LEMD3: variants seen among roughly 807,000 people sequenced by gnomAD.
LEMD3 encodes the protein inner nuclear membrane protein Man1.
Under a neutral mutation model 95.2 loss-of-function variants are expected in LEMD3, and 33 were observed. That is an observed-to-expected ratio of 0.35 (90% CI 0.26 to 0.46). The LOEUF (loss-of-function observed/expected upper bound fraction) is 0.46. LEMD3 is among the 20% of genes least tolerant of loss of function. LEMD3 has a pLI of 1.00. For missense variants in LEMD3, 1,210 were observed against 1,192.8 expected (o/e 1.01, Z -0.21); for synonymous variants, 525 against 474.6 (o/e 1.11, Z -1.38).
At position 65,170,867 on chromosome 12, in the gene LEMD3, T is replaced by A. The variant is rs777476143; in HGVS notation, c.1271T>A (p.Ile424Asn). Residue 424 changes from isoleucine to asparagine, a missense_variant, in exon 1 of 13, where the codon ATC (isoleucine) becomes AAC (asparagine). Physicochemically the swap from Ile to Asn is moderately radical, Grantham distance 149. Transcript: ENST00000308330. The part of the protein sequence containing the change: ...AAVAASSSLR[I>N]NHANHTGSNH... ...GTGGCCGCCTCTAGTTCACTCAGGA[T>A]CAATCACGCCAATCATACGGGCTCC... The A allele has an allele frequency of 6.2e-7, 1 of 1,614,184 alleles. No homozygotes were observed. Among genetic ancestry groups the A allele is most frequent in the Non-Finnish European group, 8.5e-7 (1 of 1,180,036 alleles).
At chr12:65,230,550 ATTTC>A (rs1343966794) in intron 4 of LEMD3, among the ~76,000 whole-genome samples, 3 of 151,436 alleles carry the variant, frequency 2.0e-5, no homozygotes, top group Non-Finnish European at 2.9e-5. Context: ...TGCTTTCTTA[ATTTC>A]TTTCTCTGCT....
chr12:65,177,119 CAAA>C (rs1449592382), intron 1 of LEMD3, among the ~76,000 whole-genome samples: 1 of 152,114 alleles, frequency 6.6e-6, no homozygotes. Context: ...CTTACATGAT[CAAA>C]AGTTCTAAAT....
rs1868467470 is a variant in LEMD3, at chr12:65,170,002, C to T, written c.406C>T (p.Leu136=). Residue 136 remains leucine, a synonymous_variant, in exon 1 of 13, where the codon CTG becomes TTG. Coordinates refer to ENST00000308330, the MANE Select transcript of LEMD3 (RefSeq NM_014319.5). ...CGCCCCCGCGGCTGGCAGCAAAGTG[C>T]TGCTGGGCTTCAGCTCGGACGAGTC... ...SAAPAAGSKV[L]LGFSSDESDV... The T allele has an allele frequency of 4.0e-6, 6 of 1,496,984 alleles. No individual in the cohort carries two copies. Among genetic ancestry groups the T allele is most frequent in the Non-Finnish European group, 5.3e-6 (6 of 1,133,550 alleles). 92.7% of individuals were successfully genotyped at this position (1,496,984 alleles called of 1,614,324 possible).
Position 65,189,379 on chromosome 12 carries a change from G to A in LEMD3, c.1522+18261G>A, listed in dbSNP as rs111247271. ...AACCATAAACTCACTCTCTGTGTCCGGAGGGCAGTTGGTCAAGGTTTCTAG... is the reference window on the plus strand; with the variant it reads ...AACCATAAACTCACTCTCTGTGTCCAGAGGGCAGTTGGTCAAGGTTTCTAG... On this transcript the variant is annotated intron_variant, in intron 1 of 12. Coordinates refer to ENST00000308330, the MANE Select transcript of LEMD3 (RefSeq NM_014319.5). 2.5e-3 allele frequency among the ~76,000 whole-genome samples: 378 copies of A among 152,292 alleles called. 2 individuals are homozygous for A. Among genetic ancestry groups the A allele is most frequent in the African/African-American group, 8.6e-3 (358 of 41,578 alleles).
At position 65,169,758 on chromosome 12, in the gene LEMD3, C is replaced by G. The variant is rs150212307; in HGVS notation, c.162C>G (p.His54Gln). Residue 54 changes from histidine (H) to glutamine (Q), a missense_variant, in exon 1 of 13, where the codon CAC becomes CAG. Coordinates refer to ENST00000308330, the MANE Select transcript of LEMD3 (RefSeq NM_014319.5). ...TTCGAGAGGAAGAGCAGCAACAGCA[C>G]CGGTCAGGGGGCCGCGGCAACAAGA... Reference protein sequence around the residue: ...KKLREEEQQQHRSGGRGNKTR... With the variant: ...KKLREEEQQQQRSGGRGNKTR... 1.3e-6 allele frequency: 2 copies of G among 1,591,606 alleles called. No individual in the cohort carries two copies. Among genetic ancestry groups the G allele is most frequent in the Non-Finnish European group, 1.7e-6 (2 of 1,168,934 alleles).
At position 65,170,511 on chromosome 12, in the gene LEMD3, G is replaced by A; in HGVS notation, c.915G>A (p.Arg305=). The A allele has an allele frequency of 6.2e-7, 1 of 1,614,120 alleles. No individual in the cohort carries two copies. Among genetic ancestry groups the A allele is most frequent in the South Asian group, 1.1e-5 (1 of 91,084 alleles). The part of the protein sequence containing the change: ...PPLTAKSAGG[R]LETSVQGGGG... ...TGACTGCTAAATCGGCCGGCGGCAG[G>A]CTGGAGACTTCAGTTCAGGGAGGGG... The change falls in exon 1 of 13, where the codon AGG becomes AGA. Residue 305 remains arginine (R), a synonymous_variant. Transcript: ENST00000308330.
intron 1 of LEMD3, among the ~76,000 whole-genome samples, chr12:65,186,587 TA>T (rs1391898457): frequency 6.7e-6 from 1 of 150,054 alleles, no homozygotes; most frequent in East Asian, 2.0e-4. Context: ...CAAATGCATT[TA>T]AAAAAATAGG....
intron 4 of LEMD3, among the ~76,000 whole-genome samples, chr12:65,222,725 A>C (rs1211904337): frequency 6.6e-6 from 1 of 151,722 alleles, no homozygotes; most frequent in Admixed American, 6.6e-5. Flanking sequence ...GTTCTTTGAG[A>C]TGTAAAGTTA....
intron 1 of LEMD3, among the ~76,000 whole-genome samples, chr12:65,210,435 G>T (rs1434084402): frequency 6.6e-6 from 1 of 152,204 alleles, no homozygotes. Flanking sequence ...AGAAACAAAT[G>T]ATATAGTCAT....
chr12:65,211,994 T>C (rs773103873), intron 2 of LEMD3, among the ~76,000 whole-genome samples: 12 of 152,194 alleles, frequency 7.9e-5, no homozygotes, highest in Non-Finnish European at 1.5e-4. Flanking sequence ...CTCATGCTGC[T>C]AATAAAGACA....
At chr12:65,195,333 C>T (rs1260084431) in intron 1 of LEMD3, among the ~76,000 whole-genome samples, 2 of 151,900 alleles carry the variant, frequency 1.3e-5, no homozygotes, top group African/African-American at 4.8e-5. Flanking sequence ...ATATAAACAT[C>T]ATATAGCTCT....
At chr12:65,223,505 C>T (rs903624249) in intron 4 of LEMD3, among the ~76,000 whole-genome samples, 9 of 151,928 alleles carry the variant, frequency 5.9e-5, no homozygotes, top group Non-Finnish European at 8.8e-5. Flanking sequence ...GATCTCACTA[C>T]GTTGCCTTTA....
chr12:65,230,028 C>T (rs1870573962), intron 4 of LEMD3, among the ~76,000 whole-genome samples: 2 of 152,096 alleles, frequency 1.3e-5, no homozygotes, highest in African/African-American at 4.8e-5. Flanking sequence ...TTCATTCTGC[C>T]TGTTTTCACA....
At chr12:65,221,756 C>CTTTTTTTTT (rs1870298488) in intron 4 of LEMD3, among the ~76,000 whole-genome samples, 1 of 110,084 alleles carries the variant, frequency 9.1e-6, no homozygotes. Context: ...TTTTTTTTTC[C>CTTTTTTTTT]TTGAGACAGA....
chr12:65,225,067 C>T (rs1252479943), intron 4 of LEMD3, among the ~76,000 whole-genome samples: 1 of 152,082 alleles, frequency 6.6e-6, no homozygotes, highest in East Asian at 1.9e-4. Context: ...TTCTTTAGCT[C>T]CAAAATTTCT....
chr12:65,229,087 A>T (rs1452964007), intron 4 of LEMD3, among the ~76,000 whole-genome samples: 1 of 152,118 alleles, frequency 6.6e-6, no homozygotes, highest in East Asian at 1.9e-4. Context: ...CCAAGTTCTT[A>T]GTAGTCCTTA....
intron 1 of LEMD3, among the ~76,000 whole-genome samples, chr12:65,176,551 A>G (rs983363486): frequency 6.6e-6 from 1 of 152,216 alleles, no homozygotes; most frequent in Non-Finnish European, 1.5e-5. Context: ...ACAAAGTATT[A>G]TATTTGTGTG....
chr12:65,239,240 ATTCTTTCTTTC>A (rs1394668078), intron 6 of LEMD3, among the ~76,000 whole-genome samples: 5 of 151,760 alleles, frequency 3.3e-5, no homozygotes, highest in Non-Finnish European at 5.9e-5. Context: ...TTGTTTTTTC[ATTCTTTCTTTC>A]TTCTTTAAAA....
rs1868652365 is a variant in LEMD3, at chr12:65,174,480, A to G, written c.1522+3362A>G. 2.6e-5 allele frequency among the ~76,000 whole-genome samples: 4 copies of G among 152,248 alleles called. No homozygotes were observed. In the South Asian group the frequency reaches 6.2e-4, roughly 24 times the overall value. On this transcript the variant is annotated intron_variant, in intron 1 of 12. Transcript: ENST00000308330. ...ATGATCATTATTAATTTTTTTTTCA[A>G]TTACAAAAGACATGACTTCTGCAGA...
Sources: allele counts gnomAD v4.1 joint callset (sites outside exome capture counted in the v4.1 genomes callset), GRCh38; gene constraint gnomAD v4.1.1; transcripts MANE v1.5; gene names NCBI Gene and HGNC (gene_info 2026-07-23, HGNC 2026-07-21).